PAX7: variants seen among roughly 807,000 people sequenced by gnomAD.
PAX7 encodes paired box protein Pax-7.
PAX7 carries 18 observed loss-of-function variants against 50.7 expected under a neutral mutation model. That is an observed-to-expected ratio of 0.36 (90% confidence interval 0.25 to 0.53). The LOEUF is 0.53. PAX7 is among the 20% of genes least tolerant of loss of function. The pLI, the probability that PAX7 is intolerant of heterozygous loss-of-function variation, is 0.93. For synonymous variants in PAX7, 310 were observed against 290.4 expected, an observed-to-expected ratio of 1.07 and a Z score of -0.69; for missense variants, 644 against 702.9, an observed-to-expected ratio of 0.92 and a Z score of 0.95.
intron 7 of PAX7, among the ~76,000 whole-genome samples, chr1:18,727,169 A>T (rs1343549110): frequency 6.6e-6 from 1 of 152,036 alleles, no homozygotes; most frequent in African/African-American, 2.4e-5. Flanking sequence ...ATGCACATAC[A>T]ATACTCCCAT....
chr1:18,729,260 G>A (rs1377126371), intron 7 of PAX7, among the ~76,000 whole-genome samples: 1 of 152,192 alleles, frequency 6.6e-6, no homozygotes, highest in Non-Finnish European at 1.5e-5. Flanking sequence ...GCTGGAGGTG[G>A]ACCTGAGGCT....
intron 8 of PAX7, among the ~76,000 whole-genome samples, chr1:18,743,486 T>C (rs1401607393): frequency 6.6e-6 from 1 of 152,228 alleles, no homozygotes; most frequent in Non-Finnish European, 1.5e-5. Flanking sequence ...TCCCCTGTGG[T>C]CAGGTGACAG....
chr1:18,660,066 G>T (rs2088579593), intron 4 of PAX7, among the ~76,000 whole-genome samples: 1 of 152,200 alleles, frequency 6.6e-6, no homozygotes, highest in Non-Finnish European at 1.5e-5. Flanking sequence ...GGGTAGAATT[G>T]GAGCCCAGTG....
At position 18,635,250 on chromosome 1, in the gene PAX7, C is replaced by G. The variant is rs368527949; in HGVS notation, c.451+10C>G. 2 of 1,612,742 alleles carry G rather than the reference C, an allele frequency of 1.2e-6. No individual in the cohort carries two copies. The highest frequency in any genetic ancestry group is 1.7e-6 in the Non-Finnish European group (2 of 1,179,302). ...AGCACTGTGCCCTCAGGTGAGAAGG[C>G]AGCTGAGCCGGCAGAGCTGGCCCAG... On this transcript the variant is annotated intron_variant, in intron 3 of 8. Transcript: ENST00000420770.
Position 18,712,359 on chromosome 1 carries a change from C to T in PAX7, c.1155+9063C>T, listed in dbSNP as rs142840885. ...AACAAAACCACCTGCTCAAGTCCAT[C>T]AGAGGCCTCAGCTCCAGCCCACAAG... On this transcript the variant is annotated intron_variant, in intron 7 of 8. Coordinates refer to ENST00000420770, the MANE Select transcript of PAX7 (RefSeq NM_001135254.2). Among the ~76,000 whole-genome samples the T allele has an allele frequency of 6.1e-3, 933 of 152,348 alleles. 10 individuals are homozygous for T. The highest frequency in any genetic ancestry group is 0.021 in the African/African-American group (877 of 41,584).
At chr1:18,648,496 C>A (rs1296387031) in intron 4 of PAX7, among the ~76,000 whole-genome samples, 2 of 152,018 alleles carry the variant, frequency 1.3e-5, no homozygotes, top group Non-Finnish European at 2.9e-5. Flanking sequence ...CACGCACCAC[C>A]ACACCTGGCT....
chr1:18,677,005 T>C (rs971745937), intron 4 of PAX7, among the ~76,000 whole-genome samples: 1 of 152,166 alleles, frequency 6.6e-6, no homozygotes, highest in Non-Finnish European at 1.5e-5. Flanking sequence ...CCCTCGTCTT[T>C]ACAGCCAGCC....
intron 7 of PAX7, among the ~76,000 whole-genome samples, chr1:18,708,768 G>A (rs2089314635): frequency 1.3e-5 from 2 of 152,058 alleles, no homozygotes; most frequent in South Asian, 2.1e-4. Flanking sequence ...AGTCTGGTGG[G>A]GAAGACACAG....
chr1:18,666,904 A>G (rs1459049502), intron 4 of PAX7, among the ~76,000 whole-genome samples: 1 of 152,216 alleles, frequency 6.6e-6, no homozygotes, highest in Non-Finnish European at 1.5e-5. Flanking sequence ...TCACCTGGGG[A>G]AAAATTCAGA....
chr1:18,732,555 A>G (rs1402660985), intron 7 of PAX7, among the ~76,000 whole-genome samples: 1 of 152,240 alleles, frequency 6.6e-6, no homozygotes, highest in Non-Finnish European at 1.5e-5. Flanking sequence ...AATGAAGGAT[A>G]TCTTCAAGAA....
rs543905093 is a variant in PAX7 at position 18,685,598 on chromosome 1, G to T, written c.587-6156G>T. 7.2e-5 allele frequency among the ~76,000 whole-genome samples: 11 copies of T among 152,296 alleles called. No homozygotes were observed. The South Asian group carries it at 1.2e-3, about 17-fold the overall frequency. On this transcript the variant is annotated intron_variant, in intron 4 of 8. Coordinates refer to ENST00000420770, the MANE Select transcript of PAX7 (RefSeq NM_001135254.2). ...GCTGGGTGAGCACTCCCAGGAAGAGGGAAGGCACTCTGAGCAGAGGAAGCT... is the reference window on the plus strand; with the variant it reads ...GCTGGGTGAGCACTCCCAGGAAGAGTGAAGGCACTCTGAGCAGAGGAAGCT...
chr1:18,707,409 TTCTTTC>T (rs1435462369), intron 7 of PAX7, among the ~76,000 whole-genome samples: 20 of 98,956 alleles, frequency 2.0e-4, no homozygotes, highest in African/African-American at 6.7e-4. Flanking sequence ...TTTTCTTTTT[TTCTTTC>T]TTTTTTTTTT....
chr1:18,695,012 C>G (rs1487416692), intron 5 of PAX7, among the ~76,000 whole-genome samples: 2 of 152,002 alleles, frequency 1.3e-5, no homozygotes, highest in Non-Finnish European at 2.9e-5. Context: ...CTGGGATTTT[C>G]CAATCGTATA....
chr1:18,645,536 T>C (rs1186000704), intron 4 of PAX7, among the ~76,000 whole-genome samples: 2 of 152,096 alleles, frequency 1.3e-5, no homozygotes, highest in Non-Finnish European at 2.9e-5. Flanking sequence ...GTCCCAAGCC[T>C]CCGCGAGGGC....
At chr1:18,683,280 A>T (rs2088924196) in intron 4 of PAX7, among the ~76,000 whole-genome samples, 1 of 152,218 alleles carries the variant, frequency 6.6e-6, no homozygotes, top group Non-Finnish European at 1.5e-5. Flanking sequence ...GCAGCTATGG[A>T]TACCTTAGAC....
Position 18,635,375 on chromosome 1 carries a change from G to T in PAX7, c.451+135G>T, listed in dbSNP as rs77994984. Reference sequence around the variant, plus strand: ...TTACTGAGAAGTTGGGAGGAAAGGAGTACAGAAAGGCAGAGTTAAGGCATA... The same window carrying T: ...TTACTGAGAAGTTGGGAGGAAAGGATTACAGAAAGGCAGAGTTAAGGCATA... On this transcript the variant is annotated intron_variant, in intron 3 of 8. Coordinates refer to ENST00000420770, the MANE Select transcript of PAX7 (RefSeq NM_001135254.2). 9.4e-5 allele frequency: 92 copies of T among 978,914 alleles called. No homozygotes were observed. In the African/African-American group the frequency reaches 1.4e-3, roughly 15 times the overall value. 60.6% of individuals were successfully genotyped at this position (978,914 alleles called of 1,614,324 possible). A position where few individuals can be genotyped will look rare whatever the true frequency, so the allele number is the denominator to read the frequency against.
At chr1:18,647,349 G>A (rs1160939789) in intron 4 of PAX7, among the ~76,000 whole-genome samples, 3 of 152,166 alleles carry the variant, frequency 2.0e-5, no homozygotes, top group African/African-American at 7.2e-5. Context: ...CGGCTCTGTG[G>A]CTCAGGCTCT....
chr1:18,727,774 G>A (rs2089592913), intron 7 of PAX7, among the ~76,000 whole-genome samples: 1 of 152,224 alleles, frequency 6.6e-6, no homozygotes, highest in Non-Finnish European at 1.5e-5. Flanking sequence ...GCTGGGTCGG[G>A]AGAGGGAAGG....
At chr1:18,670,152 A>T (rs1337790590) in intron 4 of PAX7, among the ~76,000 whole-genome samples, 1 of 151,972 alleles carries the variant, frequency 6.6e-6, no homozygotes, top group Non-Finnish European at 1.5e-5. Context: ...ATGAGCTGAA[A>T]TTATCACTGA....
Sources: allele counts gnomAD v4.1 joint callset (sites outside exome capture counted in the v4.1 genomes callset), GRCh38; gene constraint gnomAD v4.1.1; transcripts MANE v1.5; gene names NCBI Gene and HGNC (gene_info 2026-07-23, HGNC 2026-07-21).